Variants in IL13RA1 observed in about 807,000 individuals in gnomAD.
IL13RA1 encodes the protein interleukin 13 receptor subunit alpha 1.
IL13RA1 carries 14 observed loss-of-function variants against 33.8 expected under a neutral mutation model. That is an observed-to-expected ratio of 0.41 (90% CI 0.27 to 0.65). The LOEUF (loss-of-function observed/expected upper bound fraction) is 0.65, where lower values mean the gene tolerates loss of function less well. IL13RA1 is among the 30% of genes least tolerant of loss of function. The pLI is 0.28. For synonymous variants in IL13RA1, 116 were observed against 115.7 expected (o/e 1.00, Z -0.02); for missense variants, 313 against 327.0 (o/e 0.96, Z 0.33).
chrX:118,792,298 T>G lies in IL13RA1; in HGVS notation c.*444T>G, dbSNP rs2017984472. On this transcript the variant is annotated 3_prime_UTR_variant, in exon 11 of 11. Coordinates refer to ENST00000371666, the MANE Select transcript of IL13RA1 (RefSeq NM_001560.3). ...TGTAGAAAACAAAATGGATAAAATCTGATATGTATTGTTTGGGATCCTATT... is the reference window on the plus strand; with the variant it reads ...TGTAGAAAACAAAATGGATAAAATCGGATATGTATTGTTTGGGATCCTATT... 1 of 113,311 alleles carries G rather than the reference T, an allele frequency of 8.8e-6. No homozygotes were observed. The highest frequency in any genetic ancestry group is 3.6e-4 in the South Asian group (1 of 2,761). The allele number at this position is 113,311 out of a possible 1,213,427, so 9.3% of individuals were successfully genotyped here.
intron 9 of IL13RA1, 126 bp downstream of exon 9, chrX:118,774,101 G>T (rs766972934): frequency 7.0e-6 from 3 of 426,664 alleles, no homozygotes; most frequent in Admixed American, 8.6e-5. Flanking sequence ...AGTGGCTTTC[G>T]GGAGTATGAC....
At chrX:118,727,816 C>G in intron 1 of IL13RA1, 90 bp downstream of exon 1, 1 of 383,682 alleles carries the variant, frequency 2.6e-6, no homozygotes, top group Non-Finnish European at 3.8e-6. Flanking sequence ...CAACGCCGGG[C>G]GGAGGGCCGA....
intron 10 of IL13RA1, among the ~76,000 whole-genome samples, chrX:118,778,314 A>G (rs2017808124): frequency 8.9e-6 from 1 of 111,749 alleles, no homozygotes; most frequent in Non-Finnish European, 1.9e-5. Flanking sequence ...ATTCATTTGG[A>G]TCACTTTTTA....
chrX:118,803,579 C>T, the IL13RA1 span, among the ~76,000 whole-genome samples: 2 of 111,955 alleles, frequency 1.8e-5, no homozygotes, highest in Middle Eastern at 9.2e-3. Context: ...TTTACATTTC[C>T]CCAATTGTCT....
chrX:118,738,276 A>G (rs938851031), intron 1 of IL13RA1: 2 of 111,082 alleles, frequency 1.8e-5, no homozygotes, highest in Non-Finnish European at 3.8e-5. Flanking sequence ...ACATGGGTAA[A>G]CTGCATGACG....
chrX:118,783,765 C>CACAA (rs2017871207), intron 10 of IL13RA1, among the ~76,000 whole-genome samples: 1 of 107,957 alleles, frequency 9.3e-6, no homozygotes, highest in East Asian at 2.9e-4. Flanking sequence ...TACACACACA[C>CACAA]ACACACACAC....
intron 10 of IL13RA1, among the ~76,000 whole-genome samples, chrX:118,784,129 GTATATATATATA>G (rs72041786): frequency 1.6e-5 from 1 of 61,501 alleles, no homozygotes; most frequent in Non-Finnish European, 2.6e-5. Context: ...GTATATATAT[GTATATATATATA>G]TATATACGTA....
rs760408881 is a variant in IL13RA1 at position 118,773,990 on chromosome X, CAGG to C, written c.1106+16_1106+18del. The C allele has an allele frequency of 2.5e-6, 2 of 792,761 alleles. No individual in the cohort carries two copies. The highest frequency in any genetic ancestry group is 4.5e-5 in the Admixed American group (2 of 44,235). The allele number at this position is 792,761 out of a possible 1,213,427, so 65.3% of individuals were successfully genotyped here. A position where few individuals can be genotyped will look rare whatever the true frequency, so the allele number is the denominator to read the frequency against. ...TACCTAAAAAGGTAAGGTAGCTGCC[CAGG>C]CAGGTTTTGCAGTTTCTGATAGCCT... On this transcript the variant is annotated intron_variant, in intron 9 of 10. Transcript: ENST00000371666.
Position 118,761,172 on chromosome X carries a change from C to T in IL13RA1, c.711C>T (p.Ser237=). The change falls in exon 6 of 11, where the codon TCC becomes TCT. Residue 237 remains serine, a synonymous_variant. Coordinates refer to ENST00000371666, the MANE Select transcript of IL13RA1 (RefSeq NM_001560.3). ...KPDPPHIKNL[S]FHNDDLYVQW... is the part of the protein sequence containing the mutation. ...ATCCTCCACATATTAAAAACCTCTC[C>T]TTCCACAATGATGACCTATATGTGC... The T allele has an allele frequency of 9.8e-7, 1 of 1,025,247 alleles. No individual in the cohort carries two copies. Among genetic ancestry groups the T allele is most frequent in the Non-Finnish European group, 1.3e-6 (1 of 746,721 alleles). 84.5% of individuals were successfully genotyped at this position (1,025,247 alleles called of 1,213,427 possible).
chrX:118,744,537 C>G (rs948156650), intron 2 of IL13RA1, among the ~76,000 whole-genome samples: 1 of 111,165 alleles, frequency 9.0e-6, no homozygotes. Flanking sequence ...ATAGCTGGAA[C>G]TACAGGTGCA....
intron 10 of IL13RA1, among the ~76,000 whole-genome samples, chrX:118,791,343 A>G (rs190560248): frequency 1.8e-5 from 2 of 111,862 alleles, no homozygotes; most frequent in African/African-American, 3.2e-5. Flanking sequence ...TCTCAATGCT[A>G]CTTGACTTTT....
intron 4 of IL13RA1, among the ~76,000 whole-genome samples, chrX:118,753,863 G>T (rs1321585159): frequency 1.8e-5 from 2 of 112,845 alleles, no homozygotes; most frequent in African/African-American, 6.4e-5. Flanking sequence ...ATCAGCAGGG[G>T]ATCTTTCTGT....
downstream of IL13RA1, among the ~76,000 whole-genome samples, chrX:118,798,888 T>C (rs767067517): frequency 2.3e-3 from 256 of 112,563 alleles, no homozygotes; most frequent in African/African-American, 8.0e-3. Context: ...GCCGCTGCAC[T>C]GTGGGAGCCC....
rs747804937 is a variant in IL13RA1 at position 118,791,785 on chromosome X, T to C, written c.1215T>C (p.Tyr405=). ...AGCACTGGAAGAAGTACGACATCTA[T>C]GAGAAGCAAACCAAGGAGGAAACCG... is the stretch of plus-strand genomic sequence containing the variant. ...DTLHWKKYDI[Y]EKQTKEETDS... The change falls in exon 11 of 11, where the codon TAT becomes TAC. Residue 405 remains tyrosine, a synonymous_variant. Transcript: ENST00000371666. 9.5e-7 allele frequency: 1 copy of C among 1,056,145 alleles called. No individual in the cohort carries two copies. Among genetic ancestry groups the C allele is most frequent in the Admixed American group, 2.2e-5 (1 of 44,870 alleles). 87.0% of individuals were successfully genotyped at this position (1,056,145 alleles called of 1,213,427 possible).
intron 10 of IL13RA1, among the ~76,000 whole-genome samples, chrX:118,777,935 G>A (rs185617468): frequency 7.9e-4 from 88 of 111,801 alleles, no homozygotes; most frequent in African/African-American, 2.5e-3. Flanking sequence ...CCTGATTTCT[G>A]GAGTCAGATT....
chrX:118,799,055 C>T, downstream of IL13RA1, among the ~76,000 whole-genome samples: 1 of 112,927 alleles, frequency 8.9e-6, no homozygotes, highest in Non-Finnish European at 1.9e-5. Flanking sequence ...TCGGAGCAGC[C>T]AGCCAGCCCT....
chrX:118,796,826 G>A (rs192218514), downstream of IL13RA1, among the ~76,000 whole-genome samples: 50 of 112,943 alleles, frequency 4.4e-4, no homozygotes, highest in Admixed American at 4.0e-3. Flanking sequence ...GTGAGCCACC[G>A]TGCCTGGCCT....
At chrX:118,775,717 C>T (rs1010946361) in intron 9 of IL13RA1, among the ~76,000 whole-genome samples, 25 of 111,161 alleles carry the variant, frequency 2.2e-4, no homozygotes, top group Middle Eastern at 4.7e-3. Context: ...AATGCTGGTG[C>T]CATGTACTGA....
intron 8 of IL13RA1, chrX:118,770,773 C>G (rs181463724): frequency 6.0e-6 from 2 of 330,770 alleles, no homozygotes; most frequent in Non-Finnish European, 1.2e-5. Context: ...GGTCAGCTCC[C>G]TCTGCATCCT....
Sources: gnomAD v4.1 joint callset for allele counts (sites outside exome capture counted in the v4.1 genomes callset) on GRCh38, gnomAD v4.1.1 for gene constraint, MANE v1.5 for transcripts, NCBI Gene and HGNC (gene_info 2026-07-23, HGNC 2026-07-21) for gene names.